VAPB: variants seen among roughly 807,000 people sequenced by gnomAD.
VAPB encodes the protein vesicle-associated membrane protein-associated protein B/C.
In VAPB, 7 loss-of-function variants were observed where a neutral mutation model predicts 25.6. That is an observed-to-expected ratio of 0.27 (90% confidence interval 0.16 to 0.51). The LOEUF (loss-of-function observed/expected upper bound fraction) is 0.51. Among genes scored for constraint, VAPB ranks in the 20% least tolerant of loss-of-function variants. The probability of loss-of-function intolerance (pLI) is 0.97; values close to 1 mark genes in which losing one functional copy is unlikely to be tolerated. For missense variants in VAPB, 266 were observed against 301.3 expected, an observed-to-expected ratio of 0.88 and a Z score of 0.87; for synonymous variants, 112 against 109.2, an observed-to-expected ratio of 1.03 and a Z score of -0.16.
rs1600762753 is a variant in VAPB, at chr20:58,389,454, A to G, written c.-6A>G. 4 of 1,593,734 alleles carry G rather than the reference A, an allele frequency of 2.5e-6. No individual in the cohort carries two copies. The highest frequency in any genetic ancestry group is 1.1e-5 in the South Asian group (1 of 87,536). ...CCCCGCCAAAGGTGCTCCGCCGCTA[A>G]GGAACATGGCGAAGGTGGAGCAGGT... On this transcript the variant is annotated 5_prime_UTR_variant, in exon 1 of 6. Coordinates refer to ENST00000475243, the MANE Select transcript of VAPB (RefSeq NM_004738.5).
chr20:58,394,411 G>C (rs1276231342), intron 1 of VAPB, among the ~76,000 whole-genome samples: 2 of 152,216 alleles, frequency 1.3e-5, no homozygotes, highest in Non-Finnish European at 2.9e-5. Flanking sequence ...TAATTCTTTA[G>C]CTTTAGCATG....
chr20:58,402,976 C>T (rs1988135351), intron 1 of VAPB, among the ~76,000 whole-genome samples: 1 of 152,068 alleles, frequency 6.6e-6, no homozygotes, highest in African/African-American at 2.4e-5. Flanking sequence ...CTGCACTCCA[C>T]TCTGGGTGAC....
chr20:58,419,810 C>G (rs915372231), intron 2 of VAPB, among the ~76,000 whole-genome samples: 1 of 152,196 alleles, frequency 6.6e-6, no homozygotes, highest in Middle Eastern at 3.4e-3. Context: ...ATTTCCATGC[C>G]TGTATCAAAT....
At chr20:58,431,436 T>C (rs1988923982) in intron 2 of VAPB, 1 of 152,218 alleles carries the variant, frequency 6.6e-6, no homozygotes, top group South Asian at 2.1e-4. Context: ...TGACAGTAAC[T>C]ACTGTAAATT....
intron 2 of VAPB, among the ~76,000 whole-genome samples, chr20:58,434,285 C>G (rs750121356): frequency 5.3e-5 from 8 of 152,102 alleles, no homozygotes; most frequent in Non-Finnish European, 8.8e-5. Context: ...TGTTGCTACC[C>G]AGTTTCCCAA....
chr20:58,401,960 A>G (rs1238669875), intron 1 of VAPB, among the ~76,000 whole-genome samples: 1 of 151,860 alleles, frequency 6.6e-6, no homozygotes, highest in Non-Finnish European at 1.5e-5. Flanking sequence ...CATTCCCTCT[A>G]TGGCTGCCCC....
In VAPB at chr20:58,448,112, T is replaced by A. The variant is rs770949614; in HGVS notation, c.*3877T>A. 1 of 454,086 alleles carries A rather than the reference T, an allele frequency of 2.2e-6. No individual in the cohort carries two copies. The highest frequency in any genetic ancestry group is 1.6e-5 in the South Asian group (1 of 64,462). The allele number at this position is 454,086 out of a possible 1,614,324, so 28.1% of individuals were successfully genotyped here. ...CTCTTAATTAACACTTGGGGCCATG[T>A]TTGCTGTTGTTGAGAAGGAGTGTTC... On this transcript the variant is annotated 3_prime_UTR_variant, in exon 6 of 6. Coordinates refer to ENST00000475243, the MANE Select transcript of VAPB (RefSeq NM_004738.5).
At position 58,451,080 on chromosome 20, in the gene VAPB, CTG is replaced by C. The variant is rs1336215013; in HGVS notation, c.*6848_*6849del. 4.9e-6 allele frequency: 2 copies of C among 409,084 alleles called. No individual in the cohort carries two copies. The highest frequency in any genetic ancestry group is 9.6e-6 in the Non-Finnish European group (2 of 208,476). The allele number at this position is 409,084 out of a possible 1,614,324, so 25.3% of individuals were successfully genotyped here. On this transcript the variant is annotated 3_prime_UTR_variant, in exon 6 of 6. Coordinates refer to ENST00000475243, the MANE Select transcript of VAPB (RefSeq NM_004738.5). ...GTCTCCATATTATGTTCAATAAATT[CTG>C]TGCTCTGAATATATTTAAAGGATGC...
intron 1 of VAPB, 66 bp downstream of exon 1, chr20:58,389,583 C>T: frequency 1.3e-6 from 2 of 1,487,750 alleles, no homozygotes; most frequent in Non-Finnish European, 1.8e-6. Flanking sequence ...GGACGGAGCC[C>T]GGCGCGGCGG....
chr20:58,412,602 A>G lies in VAPB; in HGVS notation c.59-5609A>G, dbSNP rs540131041. Among the ~76,000 whole-genome samples the G allele has an allele frequency of 1.6e-3, 229 of 140,696 alleles. 5 individuals are homozygous for G. The South Asian group carries it at 0.049, about 30-fold the overall frequency. 92.3% of individuals were successfully genotyped at this position (140,696 alleles called of 152,430 possible). ...AAAAAAAAAAAAAAGGTAAAATTAT[A>G]TATTTACTCCTTAAAAACTTCTATC... On this transcript the variant is annotated intron_variant, in intron 1 of 5. Coordinates refer to ENST00000475243, the MANE Select transcript of VAPB (RefSeq NM_004738.5).
intron 5 of VAPB, among the ~76,000 whole-genome samples, chr20:58,442,289 T>C (rs532079604): frequency 2.0e-4 from 30 of 152,248 alleles, no homozygotes; most frequent in Non-Finnish European, 3.4e-4. Context: ...TTCTTTAGTG[T>C]GTAGTAAATT....
intron 5 of VAPB, among the ~76,000 whole-genome samples, chr20:58,441,620 T>C (rs560894605): frequency 1.3e-3 from 204 of 152,276 alleles, no homozygotes; most frequent in South Asian, 2.9e-3. Context: ...CCAGCCTGGG[T>C]GACAGAGCTA....
At position 58,449,673 on chromosome 20, in the gene VAPB, T is replaced by A. The variant is rs765879355; in HGVS notation, c.*5438T>A. 4.4e-6 allele frequency: 2 copies of A among 454,014 alleles called. No homozygotes were observed. The highest frequency in any genetic ancestry group is 1.4e-4 in the East Asian group (2 of 14,414). 28.1% of individuals were successfully genotyped at this position (454,014 alleles called of 1,614,324 possible). A position where few individuals can be genotyped will look rare whatever the true frequency, so the allele number is the denominator to read the frequency against. The stretch of plus-strand genomic sequence containing the variant: ...CTTTCTGCTGCTAGATAAATGCTGA[T>A]GTTTATTTTTAAACCAGGAAACATT... On this transcript the variant is annotated 3_prime_UTR_variant, in exon 6 of 6. Coordinates refer to ENST00000475243, the MANE Select transcript of VAPB (RefSeq NM_004738.5).
At chr20:58,420,495 A>G (rs1486529760) in intron 2 of VAPB, among the ~76,000 whole-genome samples, 2 of 152,216 alleles carry the variant, frequency 1.3e-5, no homozygotes, top group East Asian at 3.8e-4. Flanking sequence ...CAGCACTGCT[A>G]TTTGAAGCTA....
chr20:58,446,974 A>G lies in VAPB; in HGVS notation c.*2739A>G, dbSNP rs1568724047. The G allele has an allele frequency of 4.4e-6, 2 of 454,020 alleles. No individual in the cohort carries two copies. Among genetic ancestry groups the G allele is most frequent in the Admixed American group, 2.3e-5 (1 of 42,564 alleles). The allele number at this position is 454,020 out of a possible 1,614,324, so 28.1% of individuals were successfully genotyped here. On this transcript the variant is annotated 3_prime_UTR_variant, in exon 6 of 6. Transcript: ENST00000475243. ...TGTCACAACGGCCTGCCCTGCCCCAAGAGGGTTAAGAGTCAGATAATCGGG... is the reference window on the plus strand; with the variant it reads ...TGTCACAACGGCCTGCCCTGCCCCAGGAGGGTTAAGAGTCAGATAATCGGG...
rs780332528 is a variant in VAPB, at chr20:58,444,705, T to A, written c.*470T>A. The A allele has an allele frequency of 6.6e-6, 3 of 454,480 alleles. No homozygotes were observed. The highest frequency in any genetic ancestry group is 1.3e-5 in the Non-Finnish European group (3 of 226,850). The allele number at this position is 454,480 out of a possible 1,614,324, so 28.2% of individuals were successfully genotyped here. Reference sequence around the variant, plus strand: ...CTCCCGGCCCAGGCTGCTTTCCGTGTCTTCAGTTCTGTCCAAGCCATCAGC... The same window carrying A: ...CTCCCGGCCCAGGCTGCTTTCCGTGACTTCAGTTCTGTCCAAGCCATCAGC... On this transcript the variant is annotated 3_prime_UTR_variant, in exon 6 of 6. Transcript: ENST00000475243.
At chr20:58,395,676 A>G (rs143979787) in intron 1 of VAPB, among the ~76,000 whole-genome samples, 46 of 152,320 alleles carry the variant, frequency 3.0e-4, no homozygotes, top group African/African-American at 1.1e-3. Context: ...ACAAAGTTGC[A>G]TTATGGTTTC....
At chr20:58,442,875 G>A (rs575900363) in intron 5 of VAPB, among the ~76,000 whole-genome samples, 9 of 152,274 alleles carry the variant, frequency 5.9e-5, no homozygotes, top group African/African-American at 1.7e-4. Context: ...GGATGGGAGC[G>A]AATGGAAGGA....
intron 1 of VAPB, among the ~76,000 whole-genome samples, chr20:58,413,877 C>T (rs1988449733): frequency 7.6e-6 from 1 of 131,288 alleles, no homozygotes; most frequent in Non-Finnish European, 1.7e-5. Context: ...AGAGGGGCTC[C>T]TCACTTCCCA....
Sources: gnomAD v4.1 joint callset for allele counts (sites outside exome capture counted in the v4.1 genomes callset) on GRCh38, gnomAD v4.1.1 for gene constraint, MANE v1.5 for transcripts, NCBI Gene and HGNC (gene_info 2026-07-23, HGNC 2026-07-21) for gene names.